TJP2: variants seen among roughly 807,000 people sequenced by gnomAD.
The protein encoded by TJP2 is Friedreich ataxia region gene X104 (tight junction protein ZO-2).
TJP2 carries 91 observed loss-of-function variants against 133.1 expected under a neutral mutation model. That is an observed-to-expected ratio of 0.68 (90% CI 0.58 to 0.81). The LOEUF (loss-of-function observed/expected upper bound fraction) is 0.81. TJP2 is among the 40% of genes least tolerant of loss of function. The pLI is 0.00. For synonymous variants in TJP2, 592 were observed against 583.4 expected (o/e 1.01, Z -0.21); for missense variants, 1,541 against 1,565.6 (o/e 0.98, Z 0.26).
rs1428649227 is a variant in TJP2 at position 69,163,023 on chromosome 9, TTA to T, written c.-10+11254_-10+11255del. Reference sequence around the variant, plus strand: ...TTATTTTTTAAAAAGTATCTTTATTTTATTTTATTTTTTTTTTTTTGAGACGG... The same window carrying T: ...TTATTTTTTAAAAAGTATCTTTATTTTTTTATTTTTTTTTTTTTGAGACGG... On this transcript the variant is annotated intron_variant, in intron 2 of 5. Coordinates refer to the TJP2 transcript ENST00000423935. 6.3e-4 allele frequency among the ~76,000 whole-genome samples: 45 copies of T among 70,982 alleles called. 10 individuals are homozygous for T. The highest frequency in any genetic ancestry group is 3.1e-3 in the East Asian group (8 of 2,584). 46.6% of individuals were successfully genotyped at this position (70,982 alleles called of 152,430 possible).
chr9:69,247,397 T>C (rs1831004384), intron 18 of TJP2, among the ~76,000 whole-genome samples: 1 of 152,202 alleles, frequency 6.6e-6, no homozygotes, highest in Non-Finnish European at 1.5e-5. Flanking sequence ...TAGAAGCTTT[T>C]GGTGTTAGTA....
At chr9:69,200,657 G>A (rs1826921915) in intron 1 of TJP2, among the ~76,000 whole-genome samples, 1 of 152,182 alleles carries the variant, frequency 6.6e-6, no homozygotes, top group South Asian at 2.1e-4. Context: ...GCCTCTTAAA[G>A]TGCTGGGATT....
In TJP2 at chr9:69,236,062, T is replaced by C. The variant is rs1171204041; in HGVS notation, c.1815T>C (p.Asp605=). Residue 605 remains aspartate (D), a synonymous_variant, in exon 13 of 23, where the codon GAT becomes GAC. Coordinates refer to ENST00000377245, the MANE Select transcript of TJP2 (RefSeq NM_004817.4). The part of the protein sequence containing the change: ...YRDILACGRG[D]SFFIRSHFEC... Reference sequence around the variant, plus strand: ...ACATCCTGGCTTGTGGCAGAGGGGATTCGTTTTTTATAAGAAGCCACTTTG... The same window carrying C: ...ACATCCTGGCTTGTGGCAGAGGGGACTCGTTTTTTATAAGAAGCCACTTTG... 1.9e-6 allele frequency: 3 copies of C among 1,614,096 alleles called. No homozygotes were observed. The Admixed American group carries it at 5.0e-5, about 27-fold the overall frequency.
chr9:69,181,620 C>G (rs1186215043), intron 1 of TJP2, among the ~76,000 whole-genome samples: 1 of 152,142 alleles, frequency 6.6e-6, no homozygotes, highest in Non-Finnish European at 1.5e-5. Flanking sequence ...GCTTAAGATT[C>G]TGAAGGTTTT....
chr9:69,216,484 C>T (rs760844348), intron 3 of TJP2, 21 bp downstream of exon 3: 5 of 1,613,482 alleles, frequency 3.1e-6, no homozygotes, highest in Admixed American at 3.3e-5. Flanking sequence ...TCCCTCGCTC[C>T]GCAGCCCCTA....
chr9:69,254,621 C>G lies in TJP2; in HGVS notation c.*247C>G. The G allele has an allele frequency of 1.7e-6, 1 of 603,418 alleles. No individual in the cohort carries two copies. The highest frequency in any genetic ancestry group is 3.0e-6 in the Non-Finnish European group (1 of 337,872). The allele number at this position is 603,418 out of a possible 1,614,324, so 37.4% of individuals were successfully genotyped here. ...TCAGAATTAAGCAGAACACTGCAGT[C>G]AGATCCTGTTACTTGCTTCAGTGGA... On this transcript the variant is annotated 3_prime_UTR_variant, in exon 23 of 23. Coordinates refer to ENST00000377245, the MANE Select transcript of TJP2 (RefSeq NM_004817.4).
rs962189015 is a variant in TJP2, at chr9:69,238,583, T to G, written c.2276-127T>G. 7 of 778,772 alleles carry G rather than the reference T, an allele frequency of 9.0e-6. No homozygotes were observed. In the Admixed American group the frequency reaches 1.2e-4, roughly 13 times the overall value. 48.2% of individuals were successfully genotyped at this position (778,772 alleles called of 1,614,324 possible). A position where few individuals can be genotyped will look rare whatever the true frequency, so the allele number is the denominator to read the frequency against. ...TCCACTAAGCAGGTTATGTGGGTCC[T>G]TCCCACTGAATCTTGTTAGGAGACA... On this transcript the variant is annotated intron_variant, in intron 15 of 22. Coordinates refer to ENST00000377245, the MANE Select transcript of TJP2 (RefSeq NM_004817.4).
chr9:69,205,037 A>C, intron 1 of TJP2: 2 of 1,435,022 alleles, frequency 1.4e-6, no homozygotes, highest in Middle Eastern at 2.4e-4. Context: ...GTGTGAGATG[A>C]CAACAGGATT....
chr9:69,137,363 G>T (rs1458039020), intron 1 of TJP2, among the ~76,000 whole-genome samples: 1 of 132,714 alleles, frequency 7.5e-6, no homozygotes, highest in Non-Finnish European at 1.6e-5. Flanking sequence ...TTGCTTTGTT[G>T]CCCAGGCTGG....
At chr9:69,208,070 A>G (rs1235075080) in intron 1 of TJP2, among the ~76,000 whole-genome samples, 1 of 152,232 alleles carries the variant, frequency 6.6e-6, no homozygotes, top group Admixed American at 6.5e-5. Context: ...ATGTTTTTGC[A>G]TAAATGAACA....
At chr9:69,231,212 C>T (rs1432272767) in intron 11 of TJP2, among the ~76,000 whole-genome samples, 1 of 152,086 alleles carries the variant, frequency 6.6e-6, no homozygotes, top group Non-Finnish European at 1.5e-5. Context: ...TGGGTTCAAG[C>T]AATTCTTAGT....
chr9:69,172,055 A>G (rs1045576589), upstream of TJP2, among the ~76,000 whole-genome samples: 3 of 152,148 alleles, frequency 2.0e-5, no homozygotes, highest in African/African-American at 4.8e-5. Flanking sequence ...TCGACCTCCC[A>G]AAGTGCTGGG....
intron 2 of TJP2, among the ~76,000 whole-genome samples, chr9:69,162,518 T>C (rs1564392392): frequency 6.6e-6 from 1 of 152,214 alleles, no homozygotes; most frequent in Non-Finnish European, 1.5e-5. Context: ...ATTTTTAAAT[T>C]GTCCTCTATA....
intron 1 of TJP2, among the ~76,000 whole-genome samples, chr9:69,151,141 G>T (rs1420295615): frequency 7.9e-5 from 12 of 152,156 alleles, no homozygotes; most frequent in Non-Finnish European, 1.8e-4. Flanking sequence ...GGGAATGATG[G>T]CTAATGGTTA....
chr9:69,225,401 T>C lies in TJP2; in HGVS notation c.1050T>C (p.Ile350=), dbSNP rs758094076. ...KDGNLHEGDI[I]LKINGTVTEN... ...GCAACCTTCACGAAGGAGACATAAT[T>C]CTCAAGGTGGGTAGATGGGGGCAGA... is the stretch of plus-strand genomic sequence containing the variant. The change falls in exon 6 of 23, where the codon ATT becomes ATC. Residue 350 remains isoleucine (I), a synonymous_variant. Coordinates refer to ENST00000377245, the MANE Select transcript of TJP2 (RefSeq NM_004817.4). 6.2e-7 allele frequency: 1 copy of C among 1,611,608 alleles called. No individual in the cohort carries two copies. Among genetic ancestry groups the C allele is most frequent in the African/African-American group, 1.3e-5 (1 of 74,878 alleles).
chr9:69,202,455 G>A (rs1026365763), intron 1 of TJP2, among the ~76,000 whole-genome samples: 3 of 152,270 alleles, frequency 2.0e-5, no homozygotes, highest in African/African-American at 7.2e-5. Flanking sequence ...GAGGTTAGGA[G>A]TGCCGACCCT....
Position 69,226,102 on chromosome 9 carries a change from A to C in TJP2, c.1137A>C (p.Leu379=). The C allele has an allele frequency of 6.2e-7, 1 of 1,614,108 alleles. No individual in the cohort carries two copies. The highest frequency in any genetic ancestry group is 1.1e-5 in the South Asian group (1 of 91,080). ...AAAAGTCAAGAGGAAAACTACAGCT[A>C]GTGGTGTTGAGAGACAGCCAGCAGA... ...LIEKSRGKLQ[L]VVLRDSQQTL... is the part of the protein sequence containing the mutation. Residue 379 remains leucine, a synonymous_variant, in exon 7 of 23, where the codon CTA becomes CTC. Coordinates refer to ENST00000377245, the MANE Select transcript of TJP2 (RefSeq NM_004817.4).
chr9:69,140,869 G>T (rs1329467738), intron 1 of TJP2, among the ~76,000 whole-genome samples: 2 of 152,166 alleles, frequency 1.3e-5, no homozygotes, highest in Non-Finnish European at 2.9e-5. Context: ...TTTTTTGGGA[G>T]ACGGAGTCTC....
At chr9:69,241,702 A>C (rs932266576) in intron 17 of TJP2, among the ~76,000 whole-genome samples, 2 of 152,208 alleles carry the variant, frequency 1.3e-5, no homozygotes, top group Admixed American at 1.3e-4. Context: ...GATTATTACT[A>C]TTATAGCAAC....
Sources: gnomAD v4.1 joint callset for allele counts (sites outside exome capture counted in the v4.1 genomes callset) on GRCh38, gnomAD v4.1.1 for gene constraint, MANE v1.5 for transcripts, NCBI Gene and HGNC (gene_info 2026-07-23, HGNC 2026-07-21) for gene names.